Variants in MTUS2 observed in about 807,000 individuals in gnomAD.
The protein encoded by MTUS2 is microtubule-associated tumor suppressor candidate 2.
MTUS2 carries 40 observed loss-of-function variants against 114.1 expected under a neutral mutation model. The ratio of observed to expected loss-of-function variants is 0.35; its 90% confidence interval spans 0.27 to 0.46. MTUS2 has a LOEUF of 0.46. MTUS2 is among the 20% of genes least tolerant of loss of function. The probability of loss-of-function intolerance (pLI) is 1.00; values close to 1 mark genes in which losing one functional copy is unlikely to be tolerated. For synonymous variants in MTUS2, 688 were observed against 672.0 expected (o/e 1.02, Z -0.37); for missense variants, 1,679 against 1,705.4 (o/e 0.98, Z 0.27).
In MTUS2 at chr13:29,160,871, A is replaced by C. The variant is rs751523528; in HGVS notation, c.2644+59901A>C. On this transcript the variant is annotated intron_variant, in intron 5 of 15. Transcript: ENST00000612955. ...GGTCAACTGTACTGATAAACACAAC[A>C]ACCTTGATGAATCTTCATTGATTGA... is the stretch of plus-strand genomic sequence containing the variant. Among the ~76,000 whole-genome samples, 23 of 152,212 alleles carry C rather than the reference A, an allele frequency of 1.5e-4. 1 individual carries two copies. Among genetic ancestry groups the C allele is most frequent in the Non-Finnish European group, 2.5e-4 (17 of 68,032 alleles).
chr13:29,190,190 G>A (rs1369028633), intron 5 of MTUS2, among the ~76,000 whole-genome samples: 2 of 152,184 alleles, frequency 1.3e-5, no homozygotes, highest in Non-Finnish European at 2.9e-5. Flanking sequence ...AGCAGACCGA[G>A]ATACCCATGT....
intron 5 of MTUS2, among the ~76,000 whole-genome samples, chr13:29,227,751 C>T (rs770155538): frequency 6.6e-6 from 1 of 152,210 alleles, no homozygotes. Flanking sequence ...ACAAGAGAGT[C>T]ATGTGCTACT....
intron 2 of MTUS2, among the ~76,000 whole-genome samples, chr13:28,992,992 G>GT (rs1457364384): frequency 2.0e-5 from 3 of 152,176 alleles, no homozygotes; most frequent in Non-Finnish European, 4.4e-5. Flanking sequence ...GTCACCACCA[G>GT]TATGTGTTTT....
intron 8 of MTUS2, chr13:29,428,677 C>T: frequency 2.3e-6 from 3 of 1,329,362 alleles, no homozygotes; most frequent in Non-Finnish European, 2.0e-6. Flanking sequence ...TCCTCTGCCT[C>T]CTGGATTCCT....
At chr13:29,383,321 T>G (rs1271013121) in intron 8 of MTUS2, among the ~76,000 whole-genome samples, 1 of 151,286 alleles carries the variant, frequency 6.6e-6, no homozygotes, top group African/African-American at 2.4e-5. Flanking sequence ...AAAATCATAT[T>G]TTAAAATAGA....
intron 6 of MTUS2, among the ~76,000 whole-genome samples, chr13:29,308,838 C>A (rs1480691200): frequency 6.6e-6 from 1 of 152,132 alleles, no homozygotes; most frequent in Non-Finnish European, 1.5e-5. Context: ...GTCAAAACCA[C>A]AATGAGATAC....
chr13:29,322,755 T>C (rs1222893161), intron 6 of MTUS2, among the ~76,000 whole-genome samples: 1 of 152,136 alleles, frequency 6.6e-6, no homozygotes, highest in Non-Finnish European at 1.5e-5. Flanking sequence ...AAGAATATTC[T>C]GTGCAGAGGA....
At chr13:29,418,470 G>A (rs1677464701) in intron 8 of MTUS2, among the ~76,000 whole-genome samples, 1 of 152,184 alleles carries the variant, frequency 6.6e-6, no homozygotes, top group Non-Finnish European at 1.5e-5. Flanking sequence ...GATCAAGTAA[G>A]AATTTAATTG....
intron 4 of MTUS2, among the ~76,000 whole-genome samples, chr13:29,071,339 G>T (rs1460778578): frequency 7.4e-6 from 1 of 135,586 alleles, no homozygotes; most frequent in African/African-American, 2.8e-5. Context: ...TTATTTTATT[G>T]TTGCAATATC....
intron 5 of MTUS2, among the ~76,000 whole-genome samples, chr13:29,102,045 G>A (rs1890440337): frequency 1.3e-5 from 2 of 152,156 alleles, no homozygotes; most frequent in Admixed American, 1.3e-4. Context: ...TGAAGGTGCC[G>A]TAGCTGAGGC....
At chr13:28,876,432 A>G (rs1271529510) in intron 2 of MTUS2, among the ~76,000 whole-genome samples, 1 of 152,218 alleles carries the variant, frequency 6.6e-6, no homozygotes, top group African/African-American at 2.4e-5. Context: ...TGGTGGGTCC[A>G]GATTCATTTC....
At chr13:29,053,725 C>T (rs1565981741) in intron 4 of MTUS2, among the ~76,000 whole-genome samples, 1 of 152,176 alleles carries the variant, frequency 6.6e-6, no homozygotes, top group South Asian at 2.1e-4. Flanking sequence ...GAGATTCACT[C>T]ATGTTATTAC....
intron 2 of MTUS2, among the ~76,000 whole-genome samples, chr13:28,890,191 C>T (rs934545306): frequency 2.0e-5 from 3 of 152,092 alleles, no homozygotes; most frequent in African/African-American, 7.2e-5. Context: ...TAAGATGGCT[C>T]GGAAGGGACC....
At chr13:29,020,246 A>G (rs1384698535) in intron 2 of MTUS2, among the ~76,000 whole-genome samples, 1 of 152,234 alleles carries the variant, frequency 6.6e-6, no homozygotes, top group Non-Finnish European at 1.5e-5. Flanking sequence ...GATCTGAGGC[A>G]TATGAAAGTT....
intron 2 of MTUS2, among the ~76,000 whole-genome samples, chr13:28,966,358 T>C (rs1883582212): frequency 6.6e-6 from 1 of 152,206 alleles, no homozygotes; most frequent in Admixed American, 6.5e-5. Context: ...CATTCTTTGC[T>C]TTGGAAATAC....
rs562216232 is a variant in MTUS2 at position 29,482,824 on chromosome 13, G to A, written c.3399+2460G>A. Among the ~76,000 whole-genome samples the A allele has an allele frequency of 3.3e-5, 5 of 152,332 alleles. No individual in the cohort carries two copies. In the East Asian group the frequency reaches 9.6e-4, roughly 29 times the overall value. On this transcript the variant is annotated intron_variant, in intron 10 of 15. Transcript: ENST00000612955. ...CCAACACAAACCCATTGGTTTGGGG[G>A]AACCGGAGAGTGAAGCCTGTGAATT...
intron 6 of MTUS2, among the ~76,000 whole-genome samples, chr13:29,288,689 G>A (rs1019696360): frequency 6.6e-6 from 1 of 152,198 alleles, no homozygotes; most frequent in Non-Finnish European, 1.5e-5. Context: ...CCTTGTCTTT[G>A]TCTAAGGCTG....
chr13:29,073,580 A>G lies in MTUS2; in HGVS notation c.2447-27193A>G, dbSNP rs532788879. The stretch of plus-strand genomic sequence containing the variant: ...GGGGGGTTACCCTTTACCTTTTGCT[A>G]CATAGATTTTTAAAATCAAAAGCAT... On this transcript the variant is annotated intron_variant, in intron 4 of 15. Coordinates refer to ENST00000612955, the MANE Select transcript of MTUS2 (RefSeq NM_001033602.4). Among the ~76,000 whole-genome samples, 269 of 152,230 alleles carry G rather than the reference A, an allele frequency of 1.8e-3. 1 individual carries two copies. Among genetic ancestry groups the G allele is most frequent in the Non-Finnish European group, 2.9e-3 (199 of 68,032 alleles).
chr13:29,135,450 G>T (rs551084260), intron 5 of MTUS2, among the ~76,000 whole-genome samples: 1 of 152,122 alleles, frequency 6.6e-6, no homozygotes, highest in African/African-American at 2.4e-5. Flanking sequence ...TGTAGGCAGC[G>T]TATAGTTGGA....
Sources: allele counts gnomAD v4.1 joint callset (sites outside exome capture counted in the v4.1 genomes callset), GRCh38; gene constraint gnomAD v4.1.1; transcripts MANE v1.5; gene names NCBI Gene and HGNC (gene_info 2026-07-23, HGNC 2026-07-21).